LRP1B: variants seen among roughly 807,000 people sequenced by gnomAD.
LRP1B encodes low-density lipoprotein receptor-related protein 1B.
LRP1B carries 217 observed loss-of-function variants against 556.6 expected under a neutral mutation model. That is an observed-to-expected ratio of 0.39 (90% CI 0.35 to 0.44). The LOEUF (loss-of-function observed/expected upper bound fraction) is 0.44. Ranked by LOEUF, LRP1B falls within the 20% of genes least tolerant of loss-of-function variation. The pLI is 1.00. For synonymous variants in LRP1B, 2,047 were observed against 1,865.8 expected (o/e 1.10, Z -2.50); for missense variants, 5,053 against 5,620.8 (o/e 0.90, Z 3.23).
At chr2:141,771,873 C>T (rs541675687) in intron 2 of LRP1B, among the ~76,000 whole-genome samples, 1 of 152,118 alleles carries the variant, frequency 6.6e-6, no homozygotes, top group Non-Finnish European at 1.5e-5. Context: ...GGCTGGAGTG[C>T]AGTGGTGCGT....
At chr2:140,685,305 A>G (rs1266395723) in intron 41 of LRP1B, among the ~76,000 whole-genome samples, 4 of 152,200 alleles carry the variant, frequency 2.6e-5, no homozygotes, top group Admixed American at 2.0e-4. Flanking sequence ...AGAAATAAAG[A>G]TAAAGACTCA....
In LRP1B at chr2:140,819,213, T is replaced by C. The variant is rs1341181939; in HGVS notation, c.5210-5407A>G. The stretch of plus-strand genomic sequence containing the variant: ...TATGAGTGGTATAAATGTTTATATT[T>C]CCCTTTCAAGCTAAGGCTCTATTCT... On this transcript the variant is annotated intron_variant, in intron 31 of 90. Transcript: ENST00000389484. Among the ~76,000 whole-genome samples the C allele has an allele frequency of 2.8e-5, 4 of 140,530 alleles. No individual in the cohort carries two copies. The Admixed American group carries it at 2.8e-4, about 10-fold the overall frequency. 92.2% of individuals were successfully genotyped at this position (140,530 alleles called of 152,430 possible). A position where few individuals can be genotyped will look rare whatever the true frequency, so the allele number is the denominator to read the frequency against.
intron 1 of LRP1B, among the ~76,000 whole-genome samples, chr2:141,840,652 CAATGGTCTCATGGGAGAAA>C (rs1222884629): frequency 6.6e-6 from 1 of 152,020 alleles, no homozygotes; most frequent in Non-Finnish European, 1.5e-5. Context: ...AACTAGAGAT[CAATGGTCTCATGGGAGAAA>C]AGAAATACAA....
intron 7 of LRP1B, among the ~76,000 whole-genome samples, chr2:141,180,348 A>AC: frequency 4.0e-5 from 1 of 24,706 alleles, no homozygotes; most frequent in African/African-American, 1.9e-4. Context: ...AGAACTCCAT[A>AC]AAAAAAAAAA....
chr2:141,558,555 C>G (rs1686040847), intron 2 of LRP1B, among the ~76,000 whole-genome samples: 1 of 151,726 alleles, frequency 6.6e-6, no homozygotes, highest in Non-Finnish European at 1.5e-5. Context: ...GGTAGCCCTA[C>G]AGAGCATATT....
chr2:141,288,285 T>TA (rs34928729), intron 3 of LRP1B, among the ~76,000 whole-genome samples: 17,671 of 146,406 alleles, frequency 0.12, 1,194 homozygotes, highest in Admixed American at 0.18. Context: ...TTATGGAAAC[T>TA]AAAAAAAAAA....
At chr2:142,034,011 T>G (rs1161128578) in intron 1 of LRP1B, among the ~76,000 whole-genome samples, 2 of 151,686 alleles carry the variant, frequency 1.3e-5, no homozygotes, top group African/African-American at 4.8e-5. Context: ...TCTATAATGT[T>G]CCCACATTGC....
intron 1 of LRP1B, among the ~76,000 whole-genome samples, chr2:141,945,553 A>C (rs1310462444): frequency 4.0e-5 from 6 of 151,750 alleles, no homozygotes; most frequent in African/African-American, 1.5e-4. Flanking sequence ...ATATATATAT[A>C]TATCTCCACA....
chr2:140,550,637 G>A lies in LRP1B; in HGVS notation c.7195-8666C>T, dbSNP rs558611497. On this transcript the variant is annotated intron_variant, in intron 43 of 90. Coordinates refer to ENST00000389484, the MANE Select transcript of LRP1B (RefSeq NM_018557.3). ...CACACACACACATGCAAACAAACAC[G>A]CACTGGAGGCTTGGAAAACTAATGC... 3.2e-4 allele frequency among the ~76,000 whole-genome samples: 49 copies of A among 152,152 alleles called. 1 individual carries two copies. Among genetic ancestry groups the A allele is most frequent in the African/African-American group, 1.1e-3 (47 of 41,514 alleles).
intron 83 of LRP1B, among the ~76,000 whole-genome samples, chr2:140,309,715 CAAT>C (rs1463188751): frequency 6.6e-6 from 1 of 151,512 alleles, no homozygotes; most frequent in Non-Finnish European, 1.5e-5. Context: ...TCAATGAAAA[CAAT>C]AATACATGTT....
In LRP1B at chr2:140,940,295, C is replaced by G. The variant is rs556164428; in HGVS notation, c.3136+9940G>C. ...ATGTTTATTTCAAAAATGGCTTATT[C>G]CAGGGGTGAAATATAGTTGAGATTT... On this transcript the variant is annotated intron_variant, in intron 20 of 90. Transcript: ENST00000389484. Among the ~76,000 whole-genome samples the G allele has an allele frequency of 2.0e-5, 3 of 152,042 alleles. No homozygotes were observed. In the East Asian group the frequency reaches 5.8e-4, roughly 29 times the overall value.
intron 47 of LRP1B, among the ~76,000 whole-genome samples, chr2:140,528,864 C>T (rs1690557139): frequency 6.6e-6 from 1 of 151,990 alleles, no homozygotes. Context: ...GTTGCTTCAA[C>T]TATATTTCAT....
At chr2:141,211,667 C>T (rs1682559391) in intron 6 of LRP1B, among the ~76,000 whole-genome samples, 1 of 152,082 alleles carries the variant, frequency 6.6e-6, no homozygotes, top group Non-Finnish European at 1.5e-5. Context: ...CTTTTTATGG[C>T]TATGTACGGA....
chr2:140,620,783 A>C (rs988685099), intron 41 of LRP1B, among the ~76,000 whole-genome samples: 7 of 152,170 alleles, frequency 4.6e-5, no homozygotes, highest in Non-Finnish European at 1.0e-4. Flanking sequence ...AATGGAAACA[A>C]GTATTAAATT....
intron 43 of LRP1B, among the ~76,000 whole-genome samples, chr2:140,581,619 A>G (rs1170518304): frequency 6.6e-6 from 1 of 152,136 alleles, no homozygotes; most frequent in Non-Finnish European, 1.5e-5. Context: ...TCTTTACCAT[A>G]AATGGAAATC....
intron 11 of LRP1B, among the ~76,000 whole-genome samples, chr2:141,025,482 A>T (rs1021644456): frequency 1.3e-5 from 2 of 152,062 alleles, no homozygotes; most frequent in African/African-American, 4.8e-5. Flanking sequence ...AGATTATATG[A>T]ACATCAGTAG....
chr2:140,606,914 A>T (rs549347249), intron 41 of LRP1B, among the ~76,000 whole-genome samples: 4 of 152,142 alleles, frequency 2.6e-5, no homozygotes, highest in African/African-American at 9.6e-5. Context: ...CTTAAACATG[A>T]CACAAAAAAT....
At chr2:142,119,145 A>G (rs1213390994) in intron 1 of LRP1B, among the ~76,000 whole-genome samples, 2 of 152,228 alleles carry the variant, frequency 1.3e-5, no homozygotes, top group Admixed American at 6.5e-5. Context: ...CTGAGCTTTG[A>G]ATCTCTTTTC....
intron 2 of LRP1B, among the ~76,000 whole-genome samples, chr2:141,760,214 C>A (rs866587124): frequency 1.3e-5 from 2 of 152,108 alleles, no homozygotes; most frequent in South Asian, 4.1e-4. Context: ...TGGAAAGAAA[C>A]CCAGTCTTCA....
Sources: gnomAD v4.1 joint callset for allele counts (sites outside exome capture counted in the v4.1 genomes callset) on GRCh38, gnomAD v4.1.1 for gene constraint, MANE v1.5 for transcripts, NCBI Gene and HGNC (gene_info 2026-07-23, HGNC 2026-07-21) for gene names.